The following CENPE variants were observed in gnomAD, a reference collection of about 807,000 sequenced individuals.
The protein encoded by CENPE is centromere-associated protein E.
CENPE carries 145 observed loss-of-function variants against 336.1 expected under a neutral mutation model. That is an observed-to-expected ratio of 0.43 (90% confidence interval 0.38 to 0.50). CENPE has a LOEUF of 0.50. Ranked by LOEUF, CENPE falls within the 20% of genes least tolerant of loss-of-function variation. The pLI, the probability that CENPE is intolerant of heterozygous loss-of-function variation, is 0.00. For missense variants in CENPE, 2,719 were observed against 3,023.3 expected, an observed-to-expected ratio of 0.90 and a Z score of 2.36; for synonymous variants, 1,013 against 984.8, an observed-to-expected ratio of 1.03 and a Z score of -0.54.
chr4:103,175,713 G>A (rs148187042), intron 15 of CENPE, among the ~76,000 whole-genome samples: 24 of 152,156 alleles, frequency 1.6e-4, no homozygotes, highest in Admixed American at 4.6e-4. Flanking sequence ...TACAAACATT[G>A]TGAATACTAA....
At chr4:103,194,137 G>C in intron 8 of CENPE, 92 bp downstream of exon 8, 1 of 892,072 alleles carries the variant, frequency 1.1e-6, no homozygotes, top group Non-Finnish European at 1.8e-6. Flanking sequence ...ATTTAGTTTA[G>C]TTAACAGTTC....
rs932030413 is a variant in CENPE, at chr4:103,133,889, C to T, written c.6526G>A (p.Val2176Met). ...TTTATTTTTGTAACATAGCTTAACACATACTTGCAGAAAAAAATTAAACAA... is the reference window on the plus strand; with the variant it reads ...TTTATTTTTGTAACATAGCTTAACATATACTTGCAGAAAAAAATTAAACAA... ...FHRIMKKLKY[V>M]LSYVTKIKEE... The change falls in exon 41 of 49, where the codon GTG (valine) becomes ATG (methionine). Residue 2176 changes from valine (V) to methionine (M), a missense_variant. This residue lies in a region of CENPE where 2,437 missense variants were observed against 2,513.3 expected (regional missense o/e 0.97). Coordinates refer to ENST00000265148, the MANE Select transcript of CENPE (RefSeq NM_001813.3). 2.6e-6 allele frequency: 4 copies of T among 1,563,548 alleles called. No individual in the cohort carries two copies. The highest frequency in any genetic ancestry group is 1.2e-5 in the South Asian group (1 of 85,820).
chr4:103,180,519 TA>T, intron 12 of CENPE, 50 bp from the exon 13 acceptor site: 8 of 1,294,376 alleles, frequency 6.2e-6, no homozygotes, highest in Non-Finnish European at 7.5e-6. Context: ...GGCTAAGTTT[TA>T]AAACCTTAAA....
chr4:103,131,750 G>A (rs1751607390), intron 42 of CENPE, among the ~76,000 whole-genome samples: 1 of 151,976 alleles, frequency 6.6e-6, no homozygotes, highest in Non-Finnish European at 1.5e-5. Context: ...TACACACAAT[G>A]GAATATTATT....
intron 9 of CENPE, 37 bp from the exon 10 acceptor site, chr4:103,183,325 C>T (rs1756480563): frequency 6.6e-7 from 1 of 1,516,564 alleles, no homozygotes; most frequent in Non-Finnish European, 9.1e-7. Context: ...CTAAACTTGA[C>T]TCCTTTTCTA....
At chr4:103,139,077 T>C (rs1033647156) in intron 38 of CENPE, among the ~76,000 whole-genome samples, 1 of 109,350 alleles carries the variant, frequency 9.1e-6, no homozygotes, top group African/African-American at 2.8e-5. Flanking sequence ...GAAAAGTTCA[T>C]ATCCTGTGTA....
In CENPE at chr4:103,145,238, G is replaced by A. The variant is rs749051815; in HGVS notation, c.4669C>T (p.Arg1557Cys). The A allele has an allele frequency of 2.4e-5, 39 of 1,613,280 alleles. No individual in the cohort carries two copies. Among genetic ancestry groups the A allele is most frequent in the Non-Finnish European group, 2.9e-5 (34 of 1,179,654 alleles). The stretch of plus-strand genomic sequence containing the variant: ...TGTAGTGCTGAATCCTTGGCTTTGC[G>A]ATGCTCCTTGAATTGTTTCAGTTCA... ...VNELKQFKEH[R>C]KAKDSALQSI... Residue 1557 changes from arginine (R) to cysteine (C), a missense_variant, in exon 32 of 49, where the codon CGC (arginine) becomes TGC (cysteine). Transcript: ENST00000265148.
At position 103,186,634 on chromosome 4, in the gene CENPE, A is replaced by C. The variant is rs550146586; in HGVS notation, c.694-773T>G. 8.6e-4 allele frequency among the ~76,000 whole-genome samples: 131 copies of C among 152,338 alleles called. 3 individuals are homozygous for C. In the South Asian group the frequency reaches 0.026, roughly 30 times the overall value. Reference sequence around the variant, plus strand: ...CAGGTGCTAGGGCTACAAATAAATAAGGTCTCTGCTCTCATGGAGCTTACA... The same window carrying C: ...CAGGTGCTAGGGCTACAAATAAATACGGTCTCTGCTCTCATGGAGCTTACA... On this transcript the variant is annotated intron_variant, in intron 8 of 48. Coordinates refer to ENST00000265148, the MANE Select transcript of CENPE (RefSeq NM_001813.3).
At position 103,140,114 on chromosome 4, in the gene CENPE, C is replaced by G. The variant is rs1393422135; in HGVS notation, c.5914-35G>C. The G allele has an allele frequency of 2.6e-6, 4 of 1,550,780 alleles. No individual in the cohort carries two copies. The African/African-American group carries it at 4.1e-5, about 16-fold the overall frequency. Reference sequence around the variant, plus strand: ...ATTGTAAAACAAGTTAGAATGTAAGCAGTTTCTTCAAGGAAGGCAAATAGT... The same window carrying G: ...ATTGTAAAACAAGTTAGAATGTAAGGAGTTTCTTCAAGGAAGGCAAATAGT... On this transcript the variant is annotated intron_variant, in intron 37 of 48. Coordinates refer to ENST00000265148, the MANE Select transcript of CENPE (RefSeq NM_001813.3).
At chr4:103,143,447 T>A in intron 33 of CENPE, 41 bp from the exon 34 acceptor site, 1 of 1,305,904 alleles carries the variant, frequency 7.7e-7, no homozygotes, top group Non-Finnish European at 1.1e-6. Context: ...TTGAGAGTAG[T>A]ACCATCCACA....
Position 103,168,732 on chromosome 4 carries a change from C to A in CENPE, c.1648-5179G>T, listed in dbSNP as rs540982028. Among the ~76,000 whole-genome samples, 4 of 152,268 alleles carry A rather than the reference C, an allele frequency of 2.6e-5. No homozygotes were observed. The South Asian group carries it at 8.3e-4, about 32-fold the overall frequency. ...CCTGGATCTTGATACTGACCCCTCTCATCTGTGGAATAAGAACAGCTCTGC... is the reference window on the plus strand; with the variant it reads ...CCTGGATCTTGATACTGACCCCTCTAATCTGTGGAATAAGAACAGCTCTGC... On this transcript the variant is annotated intron_variant, in intron 16 of 48. Transcript: ENST00000265148.
At chr4:103,197,745 T>C (rs555779927) in intron 1 of CENPE, among the ~76,000 whole-genome samples, 42 of 152,312 alleles carry the variant, frequency 2.8e-4, no homozygotes, top group South Asian at 1.2e-3. Flanking sequence ...CTCGTCCCAT[T>C]AGAATGGAAG....
In CENPE at chr4:103,122,318, A is replaced by G. The variant is rs190808322; in HGVS notation, c.7143+553T>C. Among the ~76,000 whole-genome samples the G allele has an allele frequency of 4.8e-3, 738 of 152,312 alleles. 4 individuals are homozygous for G. The highest frequency in any genetic ancestry group is 8.4e-3 in the Non-Finnish European group (570 of 68,012). On this transcript the variant is annotated intron_variant, in intron 43 of 48. Transcript: ENST00000265148. ...GCTAACAAAATACAACATTTTACGC[A>G]TGTTGTTAGATTCCCGAGTAAGGGT...
At position 103,120,275 on chromosome 4, in the gene CENPE, T is replaced by C. The variant is rs762068581; in HGVS notation, c.7202A>G (p.Glu2401Gly). 34 of 1,612,038 alleles carry C rather than the reference T, an allele frequency of 2.1e-5. No individual in the cohort carries two copies. The highest frequency in any genetic ancestry group is 1.0e-4 in the Admixed American group (6 of 59,654). Residue 2401 changes from glutamate (E) to glycine (G), a missense_variant, in exon 44 of 49, where the codon GAA (glutamate) becomes GGA (glycine). Glu to Gly is a moderately conservative substitution (Grantham distance 98). This residue lies in a region of CENPE where 2,437 missense variants were observed against 2,513.3 expected (regional missense o/e 0.97). Transcript: ENST00000265148. ...TTTCTGCATCTTTATAATCTTGCTT[T>C]CCTTATGCATAGCACTTTCTTTAGC... ...HEAKESAMHK[E>G]SKIIKMQKEL...
chr4:103,139,799 A>C lies in CENPE; in HGVS notation c.6194T>G (p.Met2065Arg), dbSNP rs771127246. 6.2e-7 allele frequency: 1 copy of C among 1,605,470 alleles called. No homozygotes were observed. The highest frequency in any genetic ancestry group is 8.5e-7 in the Non-Finnish European group (1 of 1,176,906). The change falls in exon 38 of 49, where the codon ATG (methionine) becomes AGG (arginine). Residue 2065 changes from methionine (M) to arginine (R), a missense_variant. Met to Arg is a moderately conservative substitution (Grantham distance 91, BLOSUM62 -1). This residue lies in a region of CENPE where 2,437 missense variants were observed against 2,513.3 expected (regional missense o/e 0.97). Coordinates refer to ENST00000265148, the MANE Select transcript of CENPE (RefSeq NM_001813.3). ...RDQFIATLRE[M>R]IARDRQNHQV... The stretch of plus-strand genomic sequence containing the variant: ...AGACTCTGAACTCACTCTAGCTATC[A>C]TTTCCCTTAAGGTTGCTATGAATTG...
Position 103,184,118 on chromosome 4 carries a change from TTAATTAGCTA to T in CENPE, c.746-840_746-831del, listed in dbSNP as rs200082451. Among the ~76,000 whole-genome samples the T allele has an allele frequency of 7.5e-4, 114 of 152,328 alleles. No homozygotes were observed. The East Asian group carries it at 0.016, about 22-fold the overall frequency. On this transcript the variant is annotated intron_variant, in intron 9 of 48. Transcript: ENST00000265148. ...GAACAGATGTTATTTCACAGGTGCA[TTAATTAGCTA>T]TTGCTTTAACATTACTACCTAACCA...
rs779556592 is a variant in CENPE at position 103,151,154 on chromosome 4, T to C, written c.3396+65A>G. 4.2e-4 allele frequency: 625 copies of C among 1,481,980 alleles called. 1 individual carries two copies. The highest frequency in any genetic ancestry group is 7.0e-4 in the Middle Eastern group (4 of 5,694). The allele number at this position is 1,481,980 out of a possible 1,614,324, so 91.8% of individuals were successfully genotyped here. On this transcript the variant is annotated intron_variant, in intron 26 of 48. Transcript: ENST00000265148. ...ATTTCTGGATTTAGGTCTACAGAAA[T>C]AAAAATTACCAAAAAAAAAGTTTAG...
rs375053076 is a variant in CENPE, at chr4:103,145,221, T to G, written c.4686A>C (p.Ser1562=). ...TCTTACTTTCTATACTTTGTAGTGC[T>G]GAATCCTTGGCTTTGCGATGCTCCT... is the stretch of plus-strand genomic sequence containing the variant. The part of the protein sequence containing the change: ...QFKEHRKAKD[S]ALQSIESKML... Residue 1562 remains serine (S), a synonymous_variant, in exon 32 of 49, where the codon TCA becomes TCC. Coordinates refer to ENST00000265148, the MANE Select transcript of CENPE (RefSeq NM_001813.3). The G allele has an allele frequency of 6.2e-7, 1 of 1,613,894 alleles. No homozygotes were observed. The highest frequency in any genetic ancestry group is 8.5e-7 in the Non-Finnish European group (1 of 1,179,900).
At position 103,145,066 on chromosome 4, in the gene CENPE, T is replaced by A. The variant is rs1185214186; in HGVS notation, c.4841A>T (p.Lys1614Ile). ...IERDQLKENT[K>I]EIVAKMKESQ... is the part of the protein sequence containing the mutation. ...GGAACTTACTTTAGCTACAATTTCT[T>A]TAGTGTTTTCTTTCAGTTGGTCTCT... is the stretch of plus-strand genomic sequence containing the variant. The change falls in exon 32 of 49, where the codon AAA becomes ATA. Residue 1614 changes from lysine to isoleucine, a missense_variant. Around this residue, in one of 5 missense-constraint regions of CENPE, gnomAD observed 2,437 missense variants for 2,513.3 expected, o/e 0.97. Coordinates refer to ENST00000265148, the MANE Select transcript of CENPE (RefSeq NM_001813.3). 1 of 1,513,312 alleles carries A rather than the reference T, an allele frequency of 6.6e-7. No individual in the cohort carries two copies. The highest frequency in any genetic ancestry group is 8.8e-7 in the Non-Finnish European group (1 of 1,134,740). The allele number at this position is 1,513,312 out of a possible 1,614,324, so 93.7% of individuals were successfully genotyped here.
Sources: allele counts gnomAD v4.1 joint callset (sites outside exome capture counted in the v4.1 genomes callset), GRCh38; gene constraint gnomAD v4.1.1; regional missense constraint gnomAD v4.1.1; transcripts MANE v1.5; gene names NCBI Gene and HGNC (gene_info 2026-07-23, HGNC 2026-07-21).